The following MTUS2 variants were observed in gnomAD, a reference collection of about 807,000 sequenced individuals.
The protein encoded by MTUS2 is microtubule associated scaffold protein 2, also known as microtubule-associated tumor suppressor candidate 2.
In MTUS2, 40 loss-of-function variants were observed where a neutral mutation model predicts 114.1. The ratio of observed to expected loss-of-function variants is 0.35; its 90% CI spans 0.27 to 0.46. MTUS2 has a LOEUF of 0.46. Among genes scored for constraint, MTUS2 ranks in the 20% least tolerant of loss-of-function variants. The pLI is 1.00. For missense variants in MTUS2, 1,679 were observed against 1,705.4 expected (o/e 0.98, Z 0.27); for synonymous variants, 688 against 672.0 (o/e 1.02, Z -0.37).
At chr13:29,210,185 G>C (rs1895365446) in intron 5 of MTUS2, among the ~76,000 whole-genome samples, 1 of 151,872 alleles carries the variant, frequency 6.6e-6, no homozygotes, top group Admixed American at 6.6e-5. Flanking sequence ...TTCGAGCTCT[G>C]AATTTCTTTC....
chr13:28,928,820 GAATCAACCT>G (rs1387083551), intron 2 of MTUS2, among the ~76,000 whole-genome samples: 1 of 152,134 alleles, frequency 6.6e-6, no homozygotes, highest in Admixed American at 6.6e-5. Context: ...CCAAAGTATG[GAATCAACCT>G]AAGTGCCTAC....
intron 4 of MTUS2, among the ~76,000 whole-genome samples, chr13:29,067,917 G>A (rs1485335421): frequency 1.3e-5 from 2 of 149,760 alleles, no homozygotes; most frequent in Non-Finnish European, 3.0e-5. Flanking sequence ...AAAACAGAGT[G>A]GGCAAAGATT....
Position 29,025,439 on chromosome 13 carries a change from T to G in MTUS2, c.741T>G (p.Ser247=). The change falls in exon 3 of 16, where the codon TCT becomes TCG. Residue 247 remains serine, a synonymous_variant. Coordinates refer to ENST00000612955, the MANE Select transcript of MTUS2 (RefSeq NM_001033602.4). ...AGAGTGTGCGTCATCCTAAACCATCTACCTCAGAAAGCAAGCAGAGCACTC... is the reference window on the plus strand; with the variant it reads ...AGAGTGTGCGTCATCCTAAACCATCGACCTCAGAAAGCAAGCAGAGCACTC... ...EGKSVRHPKP[S]TSESKQSTPS... 1 of 1,612,010 alleles carries G rather than the reference T, an allele frequency of 6.2e-7. No homozygotes were observed. The highest frequency in any genetic ancestry group is 8.5e-7 in the Non-Finnish European group (1 of 1,179,220).
At chr13:29,061,914 A>G (rs1442921712) in intron 4 of MTUS2, among the ~76,000 whole-genome samples, 5 of 8,718 alleles carry the variant, frequency 5.7e-4, no homozygotes, top group Non-Finnish European at 3.9e-4. Flanking sequence ...TAGCTGAAAG[A>G]AACTAACTTT....
chr13:29,441,455 C>T (rs976543503), intron 9 of MTUS2, among the ~76,000 whole-genome samples: 2 of 152,136 alleles, frequency 1.3e-5, no homozygotes, highest in Non-Finnish European at 2.9e-5. Flanking sequence ...TGGGTATCAC[C>T]CCAAGCAGCA....
chr13:28,991,055 C>T (rs1884829453), intron 2 of MTUS2, among the ~76,000 whole-genome samples: 1 of 152,200 alleles, frequency 6.6e-6, no homozygotes, highest in South Asian at 2.1e-4. Context: ...AACCACTTAG[C>T]AGAGAACTGT....
chr13:28,892,642 G>A (rs1321826245), intron 2 of MTUS2, among the ~76,000 whole-genome samples: 1 of 152,128 alleles, frequency 6.6e-6, no homozygotes, highest in Admixed American at 6.5e-5. Flanking sequence ...AGGTTATCTG[G>A]ATTGGGCATT....
chr13:29,414,974 C>T (rs941996032), intron 8 of MTUS2, among the ~76,000 whole-genome samples: 5 of 146,686 alleles, frequency 3.4e-5, no homozygotes, highest in African/African-American at 7.4e-5. Context: ...CGATATGTTT[C>T]GGTTTGGGGG....
chr13:29,196,520 G>A (rs1200080279), intron 5 of MTUS2, among the ~76,000 whole-genome samples: 1 of 151,976 alleles, frequency 6.6e-6, no homozygotes, highest in Non-Finnish European at 1.5e-5. Context: ...GTAGCATTAA[G>A]TACATTCATA....
chr13:29,004,262 T>A (rs1173451828), intron 2 of MTUS2, among the ~76,000 whole-genome samples: 3 of 152,188 alleles, frequency 2.0e-5, no homozygotes, highest in Middle Eastern at 6.3e-3. Context: ...ACAATTCTTA[T>A]CCATGTAAAT....
At chr13:28,998,251 A>G (rs1885211757) in intron 2 of MTUS2, among the ~76,000 whole-genome samples, 1 of 152,228 alleles carries the variant, frequency 6.6e-6, no homozygotes, top group African/African-American at 2.4e-5. Context: ...AGTTTCTGCC[A>G]AGAGATCAGC....
intron 13 of MTUS2, chr13:29,497,813 G>A (rs1177793262): frequency 5.7e-6 from 1 of 174,442 alleles, no homozygotes; most frequent in East Asian, 1.5e-4. Context: ...TTGAATTACA[G>A]ATAAATAAAT....
At chr13:29,287,997 A>G (rs557865323) in intron 6 of MTUS2, among the ~76,000 whole-genome samples, 1 of 152,342 alleles carries the variant, frequency 6.6e-6, no homozygotes, top group East Asian at 1.9e-4. Context: ...AGGCTCTCTC[A>G]CTTATACAAC....
At chr13:29,061,669 G>A (rs894427497) in intron 4 of MTUS2, among the ~76,000 whole-genome samples, 6 of 152,194 alleles carry the variant, frequency 3.9e-5, no homozygotes, top group Non-Finnish European at 7.3e-5. Context: ...GCTGTGGCCA[G>A]GAAACTTCCT....
At chr13:28,829,380 A>AC (rs1167658153) in intron 1 of MTUS2, among the ~76,000 whole-genome samples, 1 of 152,080 alleles carries the variant, frequency 6.6e-6, no homozygotes, top group Non-Finnish European at 1.5e-5. Context: ...ACAAAAAAAA[A>AC]AATTAGCCAG....
At chr13:29,022,976 A>C (rs755040969) in intron 2 of MTUS2, among the ~76,000 whole-genome samples, 3 of 152,204 alleles carry the variant, frequency 2.0e-5, no homozygotes, top group Non-Finnish European at 4.4e-5. Context: ...ATTTATTTTC[A>C]GTGTCTAGCA....
chr13:29,260,790 C>G (rs1192499495), intron 5 of MTUS2, among the ~76,000 whole-genome samples: 1 of 152,184 alleles, frequency 6.6e-6, no homozygotes, highest in African/African-American at 2.4e-5. Context: ...GGACAGTATT[C>G]CCCTTGGAGG....
intron 8 of MTUS2, among the ~76,000 whole-genome samples, chr13:29,410,885 G>A (rs887048666): frequency 2.0e-5 from 3 of 152,118 alleles, no homozygotes; most frequent in Admixed American, 6.5e-5. Flanking sequence ...AGGCTGGAGT[G>A]CAGTGGCACG....
At position 28,831,257 on chromosome 13, in the gene MTUS2, A is replaced by G. The variant is rs373085571; in HGVS notation, c.-315-8521A>G. 7.2e-5 allele frequency among the ~76,000 whole-genome samples: 11 copies of G among 152,316 alleles called. No homozygotes were observed. The South Asian group carries it at 2.3e-3, about 32-fold the overall frequency. On this transcript the variant is annotated intron_variant, in intron 1 of 15. Coordinates refer to ENST00000612955, the MANE Select transcript of MTUS2 (RefSeq NM_001033602.4). ...AAAGACATCAGACGTAACACAACAAATAGCAAAATGGCAGATGTAAAATCC... is the reference window on the plus strand; with the variant it reads ...AAAGACATCAGACGTAACACAACAAGTAGCAAAATGGCAGATGTAAAATCC...
Sources: gnomAD v4.1 joint callset for allele counts (sites outside exome capture counted in the v4.1 genomes callset) on GRCh38, gnomAD v4.1.1 for gene constraint, MANE v1.5 for transcripts, NCBI Gene and HGNC (gene_info 2026-07-23, HGNC 2026-07-21) for gene names.